USP48: variants seen among roughly 807,000 people sequenced by gnomAD.
USP48 encodes ubiquitin specific peptidase 48, also known as ubiquitin carboxyl-terminal hydrolase 48.
A neutral mutation model predicts 150.7 loss-of-function variants in USP48; 43 were observed. The observed-to-expected ratio is 0.29, with a 90% CI of 0.22 to 0.37. USP48 has a LOEUF of 0.37. Among genes scored for constraint, USP48 ranks in the 10% least tolerant of loss-of-function variants. The pLI is 1.00. For synonymous variants in USP48, 396 were observed against 425.9 expected, an observed-to-expected ratio of 0.93 and a Z score of 0.86; for missense variants, 813 against 1,249.6, an observed-to-expected ratio of 0.65 and a Z score of 5.27.
At position 21,678,596 on chromosome 1, in the gene USP48, ATAGG is replaced by A. The variant is rs1287405415; in HGVS notation, c.*817_*820del. The A allele has an allele frequency of 2.0e-5, 3 of 152,210 alleles. No homozygotes were observed. The highest frequency in any genetic ancestry group is 6.5e-5 in the Admixed American group (1 of 15,280). The allele number at this position is 152,210 out of a possible 1,614,324, so 9.4% of individuals were successfully genotyped here. On this transcript the variant is annotated 3_prime_UTR_variant, in exon 27 of 27. Transcript: ENST00000308271. The stretch of plus-strand genomic sequence containing the variant: ...TACTTCAGTCTGATTTACTCTTCTG[ATAGG>A]TAGTCAGATTTTTTATTTTCAAACG...
At chr1:21,739,091 G>A (rs964827580) in intron 8 of USP48, among the ~76,000 whole-genome samples, 8 of 152,154 alleles carry the variant, frequency 5.3e-5, no homozygotes, top group African/African-American at 1.4e-4. Context: ...CGAGTGTTAG[G>A]GGAACACTAT....
At chr1:21,729,636 T>C in intron 10 of USP48, 68 bp downstream of exon 10, 3 of 1,552,576 alleles carry the variant, frequency 1.9e-6, no homozygotes, top group Non-Finnish European at 2.6e-6. Context: ...AATCCATTAC[T>C]TATCATTAAT....
intron 6 of USP48, 139 bp downstream of exon 6, chr1:21,751,368 T>C: frequency 1.5e-6 from 1 of 663,818 alleles, no homozygotes; most frequent in South Asian, 2.1e-5. Context: ...AAGTGTCTTC[T>C]GGATCATTAC....
intron 6 of USP48, among the ~76,000 whole-genome samples, chr1:21,749,974 T>C (rs566798313): frequency 1.3e-4 from 20 of 152,248 alleles, no homozygotes; most frequent in African/African-American, 4.8e-4. Flanking sequence ...CCTCTTCAGT[T>C]ACCCCGTGGT....
At chr1:21,760,694 C>A (rs1322943879) in intron 1 of USP48, among the ~76,000 whole-genome samples, 3 of 151,184 alleles carry the variant, frequency 2.0e-5, no homozygotes, top group African/African-American at 7.3e-5. Context: ...CCAGCCTGGG[C>A]AACAAGAACA....
At chr1:21,781,902 C>T (rs1406894007) in intron 1 of USP48, 1 of 152,212 alleles carries the variant, frequency 6.6e-6, no homozygotes, top group Non-Finnish European at 1.5e-5. Context: ...ACGCCCAGAG[C>T]TTGGACTTAT....
At chr1:21,720,588 C>T (rs1032296353) in intron 14 of USP48, among the ~76,000 whole-genome samples, 6 of 151,278 alleles carry the variant, frequency 4.0e-5, no homozygotes, top group African/African-American at 1.2e-4. Flanking sequence ...AGTGTAGTGG[C>T]GCAATCTTGG....
intron 9 of USP48, among the ~76,000 whole-genome samples, chr1:21,735,375 A>G (rs1031987465): frequency 1.5e-5 from 1 of 68,262 alleles, no homozygotes; most frequent in African/African-American, 4.0e-5. Context: ...CCAAGGCGGG[A>G]GGACTGTTAA....
chr1:21,704,472 C>T, intron 19 of USP48, 80 bp from the exon 20 acceptor site: 1 of 1,430,734 alleles, frequency 7.0e-7, no homozygotes, highest in Non-Finnish European at 9.3e-7. Flanking sequence ...TCTGCTAAAC[C>T]AAAACCATTA....
In USP48 at chr1:21,765,840, G is replaced by A. The variant is rs550483828; in HGVS notation, c.135-8057C>T. ...AATAGTTTGAAACTACGAAGCCGAG[G>A]TTGCAGTTAGCCGAGATCCCATGGT... On this transcript the variant is annotated intron_variant, in intron 1 of 26. Coordinates refer to ENST00000308271, the MANE Select transcript of USP48 (RefSeq NM_032236.8). Among the ~76,000 whole-genome samples, 232 of 137,320 alleles carry A rather than the reference G, an allele frequency of 1.7e-3. 2 individuals carry two copies. Among genetic ancestry groups the A allele is most frequent in the Non-Finnish European group, 2.5e-3 (161 of 64,906 alleles). 90.1% of individuals were successfully genotyped at this position (137,320 alleles called of 152,430 possible).
rs564128240 is a variant in USP48, at chr1:21,686,885, T to C, written c.3058+306A>G. The C allele has an allele frequency of 6.2e-4, 223 of 360,390 alleles. 1 individual carries two copies. Among genetic ancestry groups the C allele is most frequent in the Non-Finnish European group, 7.2e-4 (143 of 198,282 alleles). 22.3% of individuals were successfully genotyped at this position (360,390 alleles called of 1,614,324 possible). ...ATTCATTCCCACCTTCAGAGGTACC[T>C]AGGCCTCTAATTTGTGTGTGCCTGT... On this transcript the variant is annotated intron_variant, in intron 25 of 26. Coordinates refer to ENST00000308271, the MANE Select transcript of USP48 (RefSeq NM_032236.8).
chr1:21,681,941 G>A (rs141265835), intron 25 of USP48, among the ~76,000 whole-genome samples: 5 of 152,214 alleles, frequency 3.3e-5, no homozygotes, highest in Admixed American at 2.6e-4. Flanking sequence ...CCTGAAGCTC[G>A]CATCCCACCA....
intron 23 of USP48, among the ~76,000 whole-genome samples, chr1:21,694,048 T>C (rs1310218176): frequency 6.6e-6 from 1 of 152,216 alleles, no homozygotes; most frequent in African/African-American, 2.4e-5. Flanking sequence ...ACATCTTGAA[T>C]TTATCAGTTC....
rs573785703 is a variant in USP48, at chr1:21,783,126, C to A, written c.-169G>T. 1 of 1,050,162 alleles carries A rather than the reference C, an allele frequency of 9.5e-7. No homozygotes were observed. Among genetic ancestry groups the A allele is most frequent in the Admixed American group, 4.3e-5 (1 of 23,326 alleles). 65.1% of individuals were successfully genotyped at this position (1,050,162 alleles called of 1,614,324 possible). On this transcript the variant is annotated 5_prime_UTR_variant, in exon 1 of 27. Coordinates refer to ENST00000308271, the MANE Select transcript of USP48 (RefSeq NM_032236.8). ...GCGCCACTGCCGCCGCGCCCGCCCG[C>A]GCCCGACCCGCACGACCGGCCGCAA...
intron 14 of USP48, 31 bp from the exon 15 acceptor site, chr1:21,715,488 T>G: frequency 7.2e-7 from 1 of 1,396,154 alleles, no homozygotes; most frequent in Non-Finnish European, 1.0e-6. Flanking sequence ...TGATATCTGC[T>G]GTGGTTATTG....
intron 25 of USP48, among the ~76,000 whole-genome samples, chr1:21,684,762 C>T (rs952700631): frequency 7.2e-5 from 11 of 152,122 alleles, no homozygotes; most frequent in South Asian, 4.2e-4. Flanking sequence ...TTCTGCATAT[C>T]GATATCCAGT....
At chr1:21,691,270 C>CACTCCA (rs1558992996) in intron 23 of USP48, among the ~76,000 whole-genome samples, 25 of 147,222 alleles carry the variant, frequency 1.7e-4, no homozygotes, top group African/African-American at 6.4e-4. Context: ...GCTGAGACCA[C>CACTCCA]GCCATTGCAC....
chr1:21,688,058 T>C (rs570922258), intron 24 of USP48, among the ~76,000 whole-genome samples: 2 of 152,198 alleles, frequency 1.3e-5, no homozygotes, highest in Admixed American at 1.3e-4. Context: ...ATTTCACAGT[T>C]CAAAATAAAA....
At chr1:21,751,654 T>A in intron 5 of USP48, 39 bp from the exon 6 acceptor site, 1 of 1,510,484 alleles carries the variant, frequency 6.6e-7, no homozygotes, top group Non-Finnish European at 9.2e-7. Context: ...GATCAGAGTG[T>A]GAAAAGCAAC....
Sources: allele counts gnomAD v4.1 joint callset (sites outside exome capture counted in the v4.1 genomes callset), GRCh38; gene constraint gnomAD v4.1.1; transcripts MANE v1.5; gene names NCBI Gene and HGNC (gene_info 2026-07-23, HGNC 2026-07-21).